Variants in NALCN observed in about 807,000 individuals in gnomAD.
The protein encoded by NALCN is sodium leak channel, non-selective.
A neutral mutation model predicts 225.3 loss-of-function variants in NALCN; 111 were observed. The observed-to-expected ratio is 0.49, with a 90% CI of 0.42 to 0.58. The LOEUF (loss-of-function observed/expected upper bound fraction) is 0.58, where lower values mean the gene tolerates loss of function less well. Among genes scored for constraint, NALCN ranks in the 20% least tolerant of loss-of-function variants. The pLI, the probability that NALCN is intolerant of heterozygous loss-of-function variation, is 0.00. For synonymous variants in NALCN, 764 were observed against 769.0 expected, an observed-to-expected ratio of 0.99 and a Z score of 0.11; for missense variants, 1,378 against 2,202.4, an observed-to-expected ratio of 0.63 and a Z score of 7.49.
chr13:101,318,119 G>A (rs2044619428), intron 7 of NALCN, among the ~76,000 whole-genome samples: 1 of 152,120 alleles, frequency 6.6e-6, no homozygotes, highest in African/African-American at 2.4e-5. Context: ...TCACCAGCCG[G>A]AAACCTCTGT....
At chr13:101,254,103 C>A (rs537788967) in intron 11 of NALCN, among the ~76,000 whole-genome samples, 1 of 152,030 alleles carries the variant, frequency 6.6e-6, no homozygotes, top group African/African-American at 2.4e-5. Context: ...AGTGGAACGG[C>A]CAGGAGTGAT....
chr13:101,310,471 G>GT (rs970374167), intron 7 of NALCN, among the ~76,000 whole-genome samples: 9 of 152,042 alleles, frequency 5.9e-5, no homozygotes, highest in African/African-American at 2.2e-4. Context: ...CATGTGACTT[G>GT]CCCCTTCCCA....
chr13:101,096,334 GAACA>G (rs1409739836), intron 27 of NALCN, among the ~76,000 whole-genome samples: 15 of 152,076 alleles, frequency 9.9e-5, no homozygotes, highest in African/African-American at 3.6e-4. Context: ...GTCCATTTTT[GAACA>G]AACAGATAAA....
chr13:101,103,323 A>G lies in NALCN; in HGVS notation c.2906T>C (p.Leu969Pro). ...AGGTACATTTTGAGGCATCCAACAA[A>G]GAAATATCAAGCTCACCTAAAGGGG... ...IFIYLVSLIF[L>P]CWMPQNVPAE... The change falls in exon 26 of 44, where the codon CTT becomes CCT. Residue 969 changes from leucine to proline, a missense_variant. Transcript: ENST00000251127. 2 of 1,611,582 alleles carry G rather than the reference A, an allele frequency of 1.2e-6. No homozygotes were observed. The highest frequency in any genetic ancestry group is 1.3e-5 in the African/African-American group (1 of 74,802).
intron 7 of NALCN, among the ~76,000 whole-genome samples, chr13:101,324,494 C>T (rs940319483): frequency 4.6e-5 from 7 of 152,204 alleles, no homozygotes; most frequent in Non-Finnish European, 8.8e-5. Flanking sequence ...AGCTCCTTCA[C>T]ATCCCTTGTA....
chr13:101,107,475 A>C lies in NALCN; in HGVS notation c.2579+12T>G. On this transcript the variant is annotated intron_variant, in intron 22 of 43. Transcript: ENST00000251127. ...TCAGGCCAAACACCTGGCTGAAATGAAGTGTACTTACGCGTTGAAGCGTGC... is the reference window on the plus strand; with the variant it reads ...TCAGGCCAAACACCTGGCTGAAATGCAGTGTACTTACGCGTTGAAGCGTGC... The C allele has an allele frequency of 1.2e-6, 2 of 1,613,920 alleles. No homozygotes were observed.
intron 6 of NALCN, 115 bp downstream of exon 6, chr13:101,376,585 C>T: frequency 1.0e-6 from 1 of 975,194 alleles, no homozygotes; most frequent in East Asian, 2.6e-5. Context: ...AGACACAGAA[C>T]AAAGAGGACA....
Position 101,345,358 on chromosome 13 carries a change from C to T in NALCN, c.707G>A (p.Gly236Asp). The T allele has an allele frequency of 1.2e-6, 2 of 1,613,786 alleles. No individual in the cohort carries two copies. Among genetic ancestry groups the T allele is most frequent in the South Asian group, 2.2e-5 (2 of 91,074 alleles). ...TTTAAATCCAGGTGGGCACTGGTAG[C>T]CTTCTTCTAGCTCTGGTGAGCAGTG... is the stretch of plus-strand genomic sequence containing the variant. ...DTHCSPELEE[G>D]YQCPPGFKCM... Residue 236 changes from glycine (G) to aspartate (D), a missense_variant, in exon 7 of 44, where the codon GGC becomes GAC. Around this residue, in one of 19 missense-constraint regions of NALCN, gnomAD observed 67 missense variants for 82.1 expected, o/e 0.82. Coordinates refer to ENST00000251127, the MANE Select transcript of NALCN (RefSeq NM_052867.4).
At chr13:101,386,864 T>C (rs1371960996) in intron 3 of NALCN, among the ~76,000 whole-genome samples, 12 of 152,034 alleles carry the variant, frequency 7.9e-5, no homozygotes, top group African/African-American at 2.4e-5. Flanking sequence ...AATACATTGG[T>C]TTGCTTCTAT....
intron 40 of NALCN, among the ~76,000 whole-genome samples, chr13:101,062,527 G>C (rs575834032): frequency 6.6e-6 from 1 of 152,070 alleles, no homozygotes; most frequent in Non-Finnish European, 1.5e-5. Flanking sequence ...TCGGCTGTGC[G>C]TCACACATCC....
chr13:101,300,064 G>C (rs2043896884), intron 7 of NALCN, among the ~76,000 whole-genome samples: 1 of 151,772 alleles, frequency 6.6e-6, no homozygotes, highest in Admixed American at 6.6e-5. Context: ...TCTTAAGGTG[G>C]ACATCTGGAC....
chr13:101,059,843 C>G lies in NALCN; in HGVS notation c.4880G>C (p.Ser1627Thr), dbSNP rs1566767418. 2 of 1,614,098 alleles carry G rather than the reference C, an allele frequency of 1.2e-6. No homozygotes were observed. The highest frequency in any genetic ancestry group is 1.3e-5 in the African/African-American group (1 of 75,014). The change falls in exon 42 of 44, where the codon AGT becomes ACT. Residue 1627 changes from serine (S) to threonine (T), a missense_variant. Transcript: ENST00000251127. ...TQPSEDTNAN[S>T]QDNSMQPETS... The stretch of plus-strand genomic sequence containing the variant: ...CTCAGGTTGCATGCTGTTGTCCTGA[C>G]TGTTGGCATTCGTGTCCTCACTGGG...
At chr13:101,304,880 C>T (rs937398359) in intron 7 of NALCN, among the ~76,000 whole-genome samples, 5 of 151,628 alleles carry the variant, frequency 3.3e-5, no homozygotes, top group Non-Finnish European at 5.9e-5. Flanking sequence ...CTCAGCCTCC[C>T]GAGTAGCTGC....
intron 15 of NALCN, among the ~76,000 whole-genome samples, chr13:101,171,791 C>A (rs2038736501): frequency 3.3e-5 from 5 of 152,182 alleles, no homozygotes; most frequent in Admixed American, 3.3e-4. Flanking sequence ...GCAAAAAGTC[C>A]TTTTACTTTC....
chr13:101,320,009 T>G (rs1161180534), intron 7 of NALCN, among the ~76,000 whole-genome samples: 1 of 152,184 alleles, frequency 6.6e-6, no homozygotes, highest in Non-Finnish European at 1.5e-5. Context: ...GATAGTTAAC[T>G]AATCTTGTTC....
intron 13 of NALCN, among the ~76,000 whole-genome samples, chr13:101,225,904 T>C (rs1237936889): frequency 1.3e-5 from 2 of 152,140 alleles, no homozygotes; most frequent in Non-Finnish European, 2.9e-5. Flanking sequence ...ATTTTTTAAC[T>C]GACAGGATCA....
intron 20 of NALCN, among the ~76,000 whole-genome samples, chr13:101,110,275 G>A (rs1055454309): frequency 2.0e-5 from 3 of 152,124 alleles, no homozygotes; most frequent in Non-Finnish European, 4.4e-5. Flanking sequence ...TAGAATATTC[G>A]ATTCTCAGTG....
At chr13:101,366,898 C>T (rs1399363563) in intron 6 of NALCN, among the ~76,000 whole-genome samples, 2 of 146,938 alleles carry the variant, frequency 1.4e-5, no homozygotes, top group African/African-American at 5.1e-5. Context: ...AAACTTTGTA[C>T]CCTTTGATCA....
intron 7 of NALCN, among the ~76,000 whole-genome samples, chr13:101,342,325 C>T (rs2045582770): frequency 6.6e-6 from 1 of 152,162 alleles, no homozygotes; most frequent in Non-Finnish European, 1.5e-5. Flanking sequence ...TTCCCCAGGT[C>T]ATCCTAAGTT....
Sources: gnomAD v4.1 joint callset for allele counts (sites outside exome capture counted in the v4.1 genomes callset) on GRCh38, gnomAD v4.1.1 for gene constraint, gnomAD v4.1.1 regional missense constraint, MANE v1.5 for transcripts, NCBI Gene and HGNC (gene_info 2026-07-23, HGNC 2026-07-21) for gene names.